TRPM8: variants seen among roughly 807,000 people sequenced by gnomAD.
TRPM8 encodes the protein TRPM8 cationic channel.
In TRPM8, 110 loss-of-function variants were observed where a neutral mutation model predicts 133.7. The ratio of observed to expected loss-of-function variants is 0.82; its 90% CI spans 0.70 to 0.96. The LOEUF (loss-of-function observed/expected upper bound fraction) is 0.96. TRPM8 is among the 40% of genes least tolerant of loss of function. The pLI is 0.00. For missense variants in TRPM8, 1,291 were observed against 1,379.5 expected (o/e 0.94, Z 1.02); for synonymous variants, 535 against 532.3 (o/e 1.01, Z -0.07).
chr2:233,961,103 A>C (rs776633222), intron 12 of TRPM8, 37 bp downstream of exon 12: 1 of 1,594,540 alleles, frequency 6.3e-7, no homozygotes, highest in Non-Finnish European at 8.6e-7. Flanking sequence ...GAGTTCTCGG[A>C]TATTTTGAGG....
At chr2:233,944,817 A>G (rs1024048983) in intron 6 of TRPM8, among the ~76,000 whole-genome samples, 7 of 152,206 alleles carry the variant, frequency 4.6e-5, no homozygotes, top group African/African-American at 1.7e-4. Flanking sequence ...ATATAATAGC[A>G]CTTACTATGT....
At chr2:233,971,397 C>T (rs1036378125) in intron 17 of TRPM8, among the ~76,000 whole-genome samples, 1 of 152,180 alleles carries the variant, frequency 6.6e-6, no homozygotes, top group Admixed American at 6.5e-5. Flanking sequence ...TGTCTGTTCT[C>T]AGCGGGAGAG....
At chr2:233,922,026 T>C (rs1433739888) in intron 1 of TRPM8, among the ~76,000 whole-genome samples, 3 of 152,200 alleles carry the variant, frequency 2.0e-5, no homozygotes, top group Non-Finnish European at 4.4e-5. Context: ...TTTGATTGAC[T>C]ACTACTGTTT....
intron 22 of TRPM8, among the ~76,000 whole-genome samples, chr2:233,996,819 A>G (rs1424050392): frequency 6.6e-6 from 1 of 152,248 alleles, no homozygotes; most frequent in Non-Finnish European, 1.5e-5. Context: ...ATAGTGTCCA[A>G]TCATGACTTT....
At chr2:233,926,886 A>G (rs1691528550) in intron 2 of TRPM8, among the ~76,000 whole-genome samples, 2 of 152,006 alleles carry the variant, frequency 1.3e-5, no homozygotes. Flanking sequence ...TGTTCTTGTA[A>G]TGGCCTCCTA....
At position 233,922,773 on chromosome 2, in the gene TRPM8, C is replaced by T. The variant is rs566691730; in HGVS notation, c.-5-3760C>T. 9.9e-4 allele frequency among the ~76,000 whole-genome samples: 151 copies of T among 152,252 alleles called. 1 individual carries two copies. The highest frequency in any genetic ancestry group is 2.0e-3 in the Non-Finnish European group (138 of 68,004). On this transcript the variant is annotated intron_variant, in intron 1 of 25. Transcript: ENST00000324695. The stretch of plus-strand genomic sequence containing the variant: ...AATGTAAACACTGTTCCATTTTCTT[C>T]TAGTTTATAGTGTTGAAGAAGAGAA...
intron 9 of TRPM8, among the ~76,000 whole-genome samples, chr2:233,950,942 T>G (rs1200524132): frequency 1.3e-5 from 2 of 152,188 alleles, no homozygotes; most frequent in African/African-American, 4.8e-5. Flanking sequence ...GACTCATGTC[T>G]GTAATCCCAA....
At chr2:233,974,713 G>A (rs1476125448) in intron 17 of TRPM8, among the ~76,000 whole-genome samples, 5 of 152,182 alleles carry the variant, frequency 3.3e-5, no homozygotes, top group Non-Finnish European at 7.3e-5. Flanking sequence ...GGGGGCAGCA[G>A]AGTTTGCTGG....
intron 11 of TRPM8, 143 bp downstream of exon 11, chr2:233,955,393 T>C (rs1691269440): frequency 1.6e-5 from 10 of 623,050 alleles, no homozygotes; most frequent in Non-Finnish European, 2.0e-5. Flanking sequence ...TTGCTGAGGC[T>C]TAATTTCCTT....
rs1040054235 is a variant in TRPM8 at position 233,929,025 on chromosome 2, C to G, written c.118-1643C>G. Among the ~76,000 whole-genome samples the G allele has an allele frequency of 9.0e-5, 12 of 132,668 alleles. 1 individual carries two copies. Among genetic ancestry groups the G allele is most frequent in the African/African-American group, 3.3e-4 (10 of 29,958 alleles). The allele number at this position is 132,668 out of a possible 152,430, so 87.0% of individuals were successfully genotyped here. ...TTTTTTTTTATTTTTTTGCTCAAAACTGTTTTTGAGATTCATCCACGGTGA... is the reference window on the plus strand; with the variant it reads ...TTTTTTTTTATTTTTTTGCTCAAAAGTGTTTTTGAGATTCATCCACGGTGA... On this transcript the variant is annotated intron_variant, in intron 2 of 25. Transcript: ENST00000324695.
intron 9 of TRPM8, chr2:233,953,661 C>T (rs1277643354): frequency 9.5e-6 from 3 of 316,110 alleles, no homozygotes; most frequent in Non-Finnish European, 1.8e-5. Flanking sequence ...CACACACACA[C>T]AGCACCTGCA....
intron 14 of TRPM8, among the ~76,000 whole-genome samples, 169 bp downstream of exon 14, chr2:233,964,926 C>T (rs1691529280): frequency 6.6e-6 from 1 of 152,136 alleles, no homozygotes; most frequent in Admixed American, 6.5e-5. Context: ...CTCCTTGGTC[C>T]TGGCACATAT....
At chr2:234,007,525 G>C (rs1473680364) in intron 23 of TRPM8, among the ~76,000 whole-genome samples, 1 of 152,206 alleles carries the variant, frequency 6.6e-6, no homozygotes, top group African/African-American at 2.4e-5. Context: ...TAAGTCTGTA[G>C]GTGGCCCAGA....
intron 3 of TRPM8, among the ~76,000 whole-genome samples, chr2:233,931,660 C>T (rs758845665): frequency 9.9e-5 from 15 of 152,178 alleles, no homozygotes; most frequent in African/African-American, 3.4e-4. Flanking sequence ...ATTCAAGACG[C>T]AGCATATAAA....
In TRPM8 at chr2:234,018,444, A is replaced by C. The variant is rs201310025; in HGVS notation, c.*1188A>C. 5.1e-4 allele frequency: 78 copies of C among 151,684 alleles called. No individual in the cohort carries two copies. The highest frequency in any genetic ancestry group is 1.9e-3 in the African/African-American group (78 of 41,464). 9.4% of individuals were successfully genotyped at this position (151,684 alleles called of 1,614,324 possible). A position where few individuals can be genotyped will look rare whatever the true frequency, so the allele number is the denominator to read the frequency against. On this transcript the variant is annotated 3_prime_UTR_variant, in exon 26 of 26. Transcript: ENST00000324695. ...TTTATTATTAAATATTAAAATATCT[A>C]TTTATTATTAAAACCATTTATAAGG...
intron 4 of TRPM8, among the ~76,000 whole-genome samples, chr2:233,937,765 G>A (rs1174870062): frequency 6.6e-6 from 1 of 152,134 alleles, no homozygotes; most frequent in Non-Finnish European, 1.5e-5. Context: ...AGGCATCCAC[G>A]TCACATCCAC....
At chr2:233,979,762 T>C (rs375700080) in intron 17 of TRPM8, among the ~76,000 whole-genome samples, 1 of 152,244 alleles carries the variant, frequency 6.6e-6, no homozygotes, top group Non-Finnish European at 1.5e-5. Context: ...TACTGCCATG[T>C]GGCAGAAAAT....
In TRPM8 at chr2:233,963,378, G is replaced by C; in HGVS notation, c.1749+1G>C. The stretch of plus-strand genomic sequence containing the variant: ...ACTCTCCAAAGTCATTTGGGAGCAG[G>C]TAAGTGCCCAAGCCCACATCAGATT... On this transcript the variant is annotated splice_donor_variant, in intron 13 of 25. Coordinates refer to ENST00000324695, the MANE Select transcript of TRPM8 (RefSeq NM_024080.5). LOFTEE classifies it high-confidence loss of function. 1 of 1,597,840 alleles carries C rather than the reference G, an allele frequency of 6.3e-7. No homozygotes were observed. Among genetic ancestry groups the C allele is most frequent in the Non-Finnish European group, 8.6e-7 (1 of 1,166,746 alleles).
chr2:234,017,394 C>T lies in TRPM8; in HGVS notation c.*138C>T, dbSNP rs199907002. 3.8e-5 allele frequency: 18 copies of T among 470,376 alleles called. No individual in the cohort carries two copies. Among genetic ancestry groups the T allele is most frequent in the South Asian group, 2.5e-4 (16 of 64,416 alleles). 29.1% of individuals were successfully genotyped at this position (470,376 alleles called of 1,614,324 possible). Reference sequence around the variant, plus strand: ...TACATGGTGGATGATTTTAAATCACCCTAGTGTGCTGAGACCTTGAGAATA... The same window carrying T: ...TACATGGTGGATGATTTTAAATCACTCTAGTGTGCTGAGACCTTGAGAATA... On this transcript the variant is annotated 3_prime_UTR_variant, in exon 26 of 26. Transcript: ENST00000324695.
Sources: allele counts gnomAD v4.1 joint callset (sites outside exome capture counted in the v4.1 genomes callset), GRCh38; gene constraint gnomAD v4.1.1; transcripts MANE v1.5; gene names NCBI Gene and HGNC (gene_info 2026-07-23, HGNC 2026-07-21).